SOX5: variants seen among roughly 807,000 people sequenced by gnomAD.
The protein encoded by SOX5 is SRY-box transcription factor 5, also known as transcription factor SOX-5.
SOX5 carries 9 observed loss-of-function variants against 92.0 expected under a neutral mutation model. The observed-to-expected ratio is 0.10, with a 90% confidence interval of 0.06 to 0.17. SOX5 has a LOEUF of 0.17. SOX5 is among the 10% of genes least tolerant of loss of function. The probability of loss-of-function intolerance (pLI) is 1.00; values close to 1 mark genes in which losing one functional copy is unlikely to be tolerated. For missense variants in SOX5, 642 were observed against 944.5 expected (o/e 0.68, Z 4.20); for synonymous variants, 344 against 336.3 (o/e 1.02, Z -0.25).
At chr12:24,173,357 T>C (rs1026119435) in intron 4 of SOX5, among the ~76,000 whole-genome samples, 7 of 152,262 alleles carry the variant, frequency 4.6e-5, no homozygotes, top group Admixed American at 6.5e-5. Context: ...GACAGACTGA[T>C]GTGACACTTA....
intron 1 of SOX5, among the ~76,000 whole-genome samples, chr12:24,504,906 G>A (rs1948572787): frequency 6.6e-6 from 1 of 152,058 alleles, no homozygotes; most frequent in African/African-American, 2.4e-5. Context: ...CCGCATTGAA[G>A]ATGAGATGCA....
chr12:24,255,162 C>T (rs903777745), intron 3 of SOX5, among the ~76,000 whole-genome samples: 22 of 152,022 alleles, frequency 1.4e-4, no homozygotes, highest in Non-Finnish European at 2.1e-4. Flanking sequence ...AATAGTTTTT[C>T]CTAATTGTCC....
intron 4 of SOX5, among the ~76,000 whole-genome samples, chr12:24,057,169 A>C (rs911325279): frequency 6.6e-5 from 10 of 152,008 alleles, no homozygotes; most frequent in African/African-American, 2.4e-4. Flanking sequence ...ACCTAGCTAC[A>C]TGGACATGAG....
intron 7 of SOX5, among the ~76,000 whole-genome samples, chr12:23,652,550 T>C (rs1423152634): frequency 6.7e-6 from 1 of 149,478 alleles, no homozygotes; most frequent in Non-Finnish European, 1.5e-5. Context: ...TCTCCCTAGC[T>C]GTCCCACAAT....
intron 4 of SOX5, among the ~76,000 whole-genome samples, chr12:24,146,529 T>C (rs545109914): frequency 5.3e-5 from 8 of 152,110 alleles, no homozygotes; most frequent in African/African-American, 1.9e-4. Flanking sequence ...ACTATTTTTT[T>C]AAAAATGTCT....
intron 6 of SOX5, among the ~76,000 whole-genome samples, chr12:23,704,256 C>A (rs1236246103): frequency 6.6e-6 from 1 of 151,754 alleles, no homozygotes; most frequent in African/African-American, 2.4e-5. Context: ...CTCACAAGTT[C>A]TTTAATAATC....
At chr12:24,355,282 C>CTTTTTTTTTTTTTTTTTTTTTT (rs768157437) in intron 2 of SOX5, among the ~76,000 whole-genome samples, 1 of 71,920 alleles carries the variant, frequency 1.4e-5, no homozygotes, top group Non-Finnish European at 2.3e-5. Context: ...AGGGGTGCAT[C>CTTTTTTTTTTTTTTTTTTTTTT]TTTTTTTTTT....
intron 1 of SOX5, among the ~76,000 whole-genome samples, chr12:24,505,663 C>CATAA (rs1425185313): frequency 1.3e-5 from 2 of 152,274 alleles, no homozygotes; most frequent in East Asian, 3.9e-4. Flanking sequence ...CCAAGTGGAT[C>CATAA]AAAAAGCAAT....
intron 4 of SOX5, among the ~76,000 whole-genome samples, chr12:24,200,704 A>T (rs1957434361): frequency 6.6e-6 from 1 of 152,214 alleles, no homozygotes; most frequent in South Asian, 2.1e-4. Flanking sequence ...AGGAAGCTAA[A>T]ACTCTGGCAG....
At chr12:24,258,866 G>T (rs1941654515) in intron 3 of SOX5, among the ~76,000 whole-genome samples, 1 of 152,144 alleles carries the variant, frequency 6.6e-6, no homozygotes, top group African/African-American at 2.4e-5. Flanking sequence ...CAATTTTAGA[G>T]ATGGAAAAAC....
chr12:23,872,029 G>C (rs1237371398), intron 2 of SOX5, among the ~76,000 whole-genome samples: 1 of 145,494 alleles, frequency 6.9e-6, no homozygotes, highest in Non-Finnish European at 1.5e-5. Flanking sequence ...ACGGAGTCTT[G>C]CTCTGTCTCC....
rs540459507 is a variant in SOX5 at position 24,133,150 on chromosome 12, A to T, written c.-2+80193T>A. 1.9e-4 allele frequency among the ~76,000 whole-genome samples: 29 copies of T among 152,334 alleles called. No individual in the cohort carries two copies. The South Asian group carries it at 5.8e-3, about 30-fold the overall frequency. On this transcript the variant is annotated intron_variant, in intron 4 of 4. Transcript: ENST00000446891. ...TCCCACTCTGTTTTAATAAAAAGGA[A>T]AATCGTTGCAGAAATGCATAAAACT...
intron 4 of SOX5, among the ~76,000 whole-genome samples, chr12:23,983,824 T>C (rs1000392940): frequency 2.6e-5 from 4 of 152,168 alleles, no homozygotes; most frequent in Non-Finnish European, 5.9e-5. Flanking sequence ...GAGGATATTT[T>C]CAAGATAAAA....
At chr12:23,655,611 T>G (rs576253693) in intron 7 of SOX5, among the ~76,000 whole-genome samples, 2 of 152,280 alleles carry the variant, frequency 1.3e-5, no homozygotes, top group Middle Eastern at 6.8e-3. Flanking sequence ...CATTGCACCT[T>G]TCTCTCTTAT....
intron 4 of SOX5, among the ~76,000 whole-genome samples, chr12:24,179,343 T>C (rs149348680): frequency 4.7e-4 from 72 of 152,314 alleles, no homozygotes; most frequent in African/African-American, 1.6e-3. Context: ...TTACAATTTT[T>C]TTGGCTTTAC....
chr12:24,429,625 T>TACACAC (rs148679940), intron 1 of SOX5, among the ~76,000 whole-genome samples: 163 of 140,764 alleles, frequency 1.2e-3, no homozygotes, highest in African/African-American at 3.8e-3. Context: ...CACACACACA[T>TACACAC]ACACACACAC....
intron 6 of SOX5, among the ~76,000 whole-genome samples, chr12:23,689,569 C>T (rs2088351532): frequency 6.6e-6 from 1 of 152,040 alleles, no homozygotes; most frequent in Admixed American, 6.6e-5. Flanking sequence ...TATTTTTATG[C>T]TTTTATTGTC....
At chr12:24,278,722 C>G (rs1408581090) in intron 2 of SOX5, among the ~76,000 whole-genome samples, 2 of 152,004 alleles carry the variant, frequency 1.3e-5, no homozygotes, top group African/African-American at 4.8e-5. Context: ...AAAAAGCAAA[C>G]AAACAAAAGC....
At chr12:24,399,490 C>A (rs1253989826) in intron 1 of SOX5, among the ~76,000 whole-genome samples, 2 of 152,152 alleles carry the variant, frequency 1.3e-5, no homozygotes, top group African/African-American at 2.4e-5. Context: ...GTATTTAGAG[C>A]AAATTCTGTT....
Sources: allele counts gnomAD v4.1 joint callset (sites outside exome capture counted in the v4.1 genomes callset), GRCh38; gene constraint gnomAD v4.1.1; transcripts MANE v1.5; gene names NCBI Gene and HGNC (gene_info 2026-07-23, HGNC 2026-07-21).